ARHGEF15: variants seen among roughly 807,000 people sequenced by gnomAD.
The protein encoded by ARHGEF15 is Rho guanine nucleotide exchange factor (GEF) 15.
ARHGEF15 carries 58 observed loss-of-function variants against 79.7 expected under a neutral mutation model. The ratio of observed to expected loss-of-function variants is 0.73; its 90% CI spans 0.59 to 0.91. ARHGEF15 has a LOEUF of 0.91. Ranked by LOEUF, ARHGEF15 falls within the 40% of genes least tolerant of loss-of-function variation. ARHGEF15 has a pLI of 0.00. For synonymous variants in ARHGEF15, 442 were observed against 456.0 expected, an observed-to-expected ratio of 0.97 and a Z score of 0.39; for missense variants, 1,012 against 1,108.1, an observed-to-expected ratio of 0.91 and a Z score of 1.23.
At chr17:8,316,613 G>A (rs948396194) in intron 9 of ARHGEF15, among the ~76,000 whole-genome samples, 2 of 152,236 alleles carry the variant, frequency 1.3e-5, no homozygotes, top group Non-Finnish European at 2.9e-5. Flanking sequence ...TATTCCAACA[G>A]TTGTACTCCA....
At position 8,318,770 on chromosome 17, in the gene ARHGEF15, G is replaced by C; in HGVS notation, c.1893G>C (p.Trp631Cys). 2 of 1,613,206 alleles carry C rather than the reference G, an allele frequency of 1.2e-6. No individual in the cohort carries two copies. The change falls in exon 12 of 16, where the codon TGG (tryptophan) becomes TGC (cysteine). Residue 631 changes from tryptophan (W) to cysteine (C), a missense_variant. Physicochemically the swap from Trp to Cys is radical, Grantham distance 215. This residue lies in a region of ARHGEF15 where 818 missense variants were observed against 882.5 expected (regional missense o/e 0.93). Transcript: ENST00000361926. The surrounding 1 kb of genome is among the most constrained non-coding windows in gnomAD (Gnocchi z 5.0). ...HKVKALPLVS[W>C]SRRLEFQGEL... The stretch of plus-strand genomic sequence containing the variant: ...CGCAGGCCCTGCCCCTGGTCTCCTG[G>C]TCACGGCGCCTGGAATTCCAGGGAG...
chr17:8,313,795 C>T (rs966292549), intron 4 of ARHGEF15: 34 of 395,368 alleles, frequency 8.6e-5, no homozygotes, highest in South Asian at 1.0e-4. Flanking sequence ...TCTGGGAGGC[C>T]GCGGCAGAAG....
intron 15 of ARHGEF15, 22 bp from the exon 16 acceptor site, chr17:8,320,820 G>C: frequency 6.2e-7 from 1 of 1,610,876 alleles, no homozygotes; most frequent in Non-Finnish European, 8.5e-7. Context: ...CCTCATTGGA[G>C]CCTCTGTCTC....
At position 8,319,512 on chromosome 17, in the gene ARHGEF15, A is replaced by G. The variant is rs747949368; in HGVS notation, c.2283A>G (p.Glu761=). The change falls in exon 15 of 16, where the codon GAA becomes GAG. Residue 761 remains glutamate, a synonymous_variant. Coordinates refer to ENST00000361926, the MANE Select transcript of ARHGEF15 (RefSeq NM_173728.4). ...ACCCCCAACCAGACTGTTCCCAGGA[A>G]CTGTGTTCAGAGTCGTCTGCACCTG... ...TIYEDCDCSQ[E]LCSESSAPAK... The G allele has an allele frequency of 3.4e-5, 55 of 1,606,122 alleles. No homozygotes were observed. Among genetic ancestry groups the G allele is most frequent in the Non-Finnish European group, 4.3e-5 (51 of 1,176,944 alleles).
chr17:8,313,352 T>G lies in ARHGEF15; in HGVS notation c.934+98T>G. The G allele has an allele frequency of 2.7e-6, 4 of 1,505,394 alleles. No homozygotes were observed. The Middle Eastern group carries it at 7.4e-4, about 277-fold the overall frequency. The allele number at this position is 1,505,394 out of a possible 1,614,324, so 93.3% of individuals were successfully genotyped here. A position where few individuals can be genotyped will look rare whatever the true frequency, so the allele number is the denominator to read the frequency against. On this transcript the variant is annotated intron_variant, in intron 3 of 15. Transcript: ENST00000361926. ...GCAAACTACAATCCCCAACAGGCAC[T>G]GGGCTCTTTGCTTCCCCACCAGCTG... is the stretch of plus-strand genomic sequence containing the variant.
In ARHGEF15 at chr17:8,315,945, G is replaced by A; in HGVS notation, c.1574+38G>A. 6.2e-7 allele frequency: 1 copy of A among 1,603,368 alleles called. No individual in the cohort carries two copies. Among genetic ancestry groups the A allele is most frequent in the Non-Finnish European group, 8.5e-7 (1 of 1,179,078 alleles). ...GGGGTGGGGAGGAAGCTGGGGAGAG[G>A]GATGGGACCGAGGCCACAGCAGGTT... On this transcript the variant is annotated intron_variant, in intron 8 of 15. Transcript: ENST00000361926. This position sits in a 1 kb window ranked among gnomAD's most constrained non-coding sequence, Gnocchi z 4.3.
Position 8,321,071 on chromosome 17 carries a change from G to C in ARHGEF15, c.*78G>C. ...AGAGAACAAAGCCCATTCATCCATT[G>C]GATTCACTGTCAGTGGAGATACTAC... On this transcript the variant is annotated 3_prime_UTR_variant, in exon 16 of 16. Coordinates refer to ENST00000361926, the MANE Select transcript of ARHGEF15 (RefSeq NM_173728.4). 1 of 1,573,674 alleles carries C rather than the reference G, an allele frequency of 6.4e-7. No homozygotes were observed. The highest frequency in any genetic ancestry group is 2.3e-5 in the East Asian group (1 of 44,418).
At position 8,315,519 on chromosome 17, in the gene ARHGEF15, C is replaced by T. The variant is rs757084863; in HGVS notation, c.1366C>T (p.Arg456Cys). ...SQALRDTLTP[R>C]DHHTLFSNVQ... ...GGCACTCCGGGACACGCTCACCCCC[C>T]GTGATCACCACACACTCTTCTCCAA... is the stretch of plus-strand genomic sequence containing the variant. The change falls in exon 7 of 16, where the codon CGT becomes TGT. Residue 456 changes from arginine to cysteine, a missense_variant. Around this residue, in one of 3 missense-constraint regions of ARHGEF15, gnomAD observed 818 missense variants for 882.5 expected, o/e 0.93. Transcript: ENST00000361926. The surrounding 1 kb of genome is among the most constrained non-coding windows in gnomAD (Gnocchi z 4.3). The T allele has an allele frequency of 6.8e-6, 11 of 1,612,276 alleles. No homozygotes were observed. Among genetic ancestry groups the T allele is most frequent in the Admixed American group, 3.3e-5 (2 of 60,012 alleles).
chr17:8,315,984 C>T lies in ARHGEF15; in HGVS notation c.1575-35C>T. Reference sequence around the variant, plus strand: ...CCACAGCAGGTTGGGGCACCAGGGCCTCCAGGCAGCCGCTAGCCATGCCTG... The same window carrying T: ...CCACAGCAGGTTGGGGCACCAGGGCTTCCAGGCAGCCGCTAGCCATGCCTG... On this transcript the variant is annotated intron_variant, in intron 8 of 15. Transcript: ENST00000361926. This position sits in a 1 kb window ranked among gnomAD's most constrained non-coding sequence, Gnocchi z 4.3. 6.3e-7 allele frequency: 1 copy of T among 1,598,616 alleles called. No individual in the cohort carries two copies. The highest frequency in any genetic ancestry group is 1.1e-5 in the South Asian group (1 of 90,852).
In ARHGEF15 at chr17:8,315,128, G is replaced by A. The variant is rs1295295020; in HGVS notation, c.1111G>A (p.Asp371Asn). ...AGAGGAGCTGTGGGGGGTGGGTGAG[G>A]ATGGGAGTCCTTCTCCAGCAAATGC... ...LSEELWGVGE[D>N]GSPSPANAGD... The change falls in exon 6 of 16, where the codon GAT becomes AAT. Residue 371 changes from aspartate (D) to asparagine (N), a missense_variant. Transcript: ENST00000361926. This position sits in a 1 kb window ranked among gnomAD's most constrained non-coding sequence, Gnocchi z 4.3. 6.2e-7 allele frequency: 1 copy of A among 1,614,054 alleles called. No individual in the cohort carries two copies. The highest frequency in any genetic ancestry group is 8.5e-7 in the Non-Finnish European group (1 of 1,179,998).
At position 8,314,926 on chromosome 17, in the gene ARHGEF15, T is replaced by G; in HGVS notation, c.1010T>G (p.Val337Gly). Residue 337 changes from valine (V) to glycine (G), a missense_variant, in exon 5 of 16, where the codon GTG becomes GGG. Coordinates refer to ENST00000361926, the MANE Select transcript of ARHGEF15 (RefSeq NM_173728.4). ...CACAGGGAAGAGGAGGGGCTAGAGG[T>G]GCTGAAGGAGCAGAATTGGGAGCTG... is the stretch of plus-strand genomic sequence containing the variant. ...VEGREEEGLE[V>G]LKEQNWELPL... The G allele has an allele frequency of 6.2e-7, 1 of 1,613,680 alleles. No homozygotes were observed.
At chr17:8,311,357 C>T (rs1597459706) in intron 1 of ARHGEF15, among the ~76,000 whole-genome samples, 1 of 152,092 alleles carries the variant, frequency 6.6e-6, no homozygotes, top group East Asian at 1.9e-4. Context: ...TGACCAGACC[C>T]TAGGGCAGGC....
chr17:8,318,588 G>A lies in ARHGEF15; in HGVS notation c.1798G>A (p.Ala600Thr), dbSNP rs777489210. The A allele has an allele frequency of 4.3e-6, 7 of 1,613,814 alleles. No individual in the cohort carries two copies. The highest frequency in any genetic ancestry group is 3.3e-5 in the Admixed American group (2 of 60,006). ...AVSKIIERCS[A>T]EVGRMKQTEE... The stretch of plus-strand genomic sequence containing the variant: ...TACCTAGATCATCGAGCGTTGCAGC[G>A]CTGAGGTGGGGCGCATGAAGCAGAC... Residue 600 changes from alanine to threonine, a missense_variant, in exon 11 of 16, where the codon GCT (alanine) becomes ACT (threonine). Ala to Thr is a moderately conservative substitution (Grantham distance 58). Coordinates refer to ENST00000361926, the MANE Select transcript of ARHGEF15 (RefSeq NM_173728.4). This position sits in a 1 kb window ranked among gnomAD's most constrained non-coding sequence, Gnocchi z 5.0.
intron 15 of ARHGEF15, among the ~76,000 whole-genome samples, chr17:8,320,380 C>A (rs1426518901): frequency 6.6e-6 from 1 of 151,956 alleles, no homozygotes; most frequent in Non-Finnish European, 1.5e-5. Context: ...GAGAAGGCAA[C>A]ATGAAGCTTG....
chr17:8,312,630 C>A lies in ARHGEF15; in HGVS notation c.591C>A (p.Asn197Lys), dbSNP rs367942685. The A allele has an allele frequency of 6.2e-7, 1 of 1,613,250 alleles. No homozygotes were observed. Among genetic ancestry groups the A allele is most frequent in the Admixed American group, 1.7e-5 (1 of 60,014 alleles). ...TCACCGGGAGTGGGTCCCAGGAGAA[C>A]GGTGCTCCAGGTGAGTGTGGCGGGT... ...APLTGSGSQE[N>K]GAPDAGLACP... is the part of the protein sequence containing the mutation. The change falls in exon 2 of 16, where the codon AAC becomes AAA. Residue 197 changes from asparagine (N) to lysine (K), a missense_variant. By Grantham distance (94) the Asn-to-Lys change is moderately conservative (BLOSUM62 0). Coordinates refer to ENST00000361926, the MANE Select transcript of ARHGEF15 (RefSeq NM_173728.4).
In ARHGEF15 at chr17:8,316,158, C is replaced by T; in HGVS notation, c.1704+10C>T. 1.2e-6 allele frequency: 2 copies of T among 1,600,030 alleles called. No homozygotes were observed. Among genetic ancestry groups the T allele is most frequent in the Non-Finnish European group, 1.7e-6 (2 of 1,178,568 alleles). On this transcript the variant is annotated intron_variant, in intron 9 of 15. Transcript: ENST00000361926. Reference sequence around the variant, plus strand: ...GCGCATGCTGCTGCAGGTACCTGTCCCAGCTGCGGCCGTTTCTGCCCCACC... The same window carrying T: ...GCGCATGCTGCTGCAGGTACCTGTCTCAGCTGCGGCCGTTTCTGCCCCACC...
intron 15 of ARHGEF15, among the ~76,000 whole-genome samples, chr17:8,320,080 G>A (rs1290315785): frequency 6.6e-6 from 1 of 151,894 alleles, no homozygotes; most frequent in African/African-American, 2.4e-5. Context: ...GCGCCTGGCC[G>A]TGTTTCATTT....
In ARHGEF15 at chr17:8,319,383, A is replaced by G. The variant is rs777499580; in HGVS notation, c.2258A>G (p.Tyr753Cys). Residue 753 changes from tyrosine to cysteine, a missense_variant, in exon 14 of 16, where the codon TAT (tyrosine) becomes TGT (cysteine). Physicochemically the swap from Tyr to Cys is radical, Grantham distance 194. Around this residue, in one of 3 missense-constraint regions of ARHGEF15, gnomAD observed 132 missense variants for 124.2 expected, o/e 1.06. Coordinates refer to ENST00000361926, the MANE Select transcript of ARHGEF15 (RefSeq NM_173728.4). ...CTTCCCTGCTCCCCAGACACCATCT[A>G]TGAGGACTGTGGTGAGTATCCCCCT... ...GPLPCSPDTI[Y>C]EDCDCSQELC... The G allele has an allele frequency of 5.0e-6, 8 of 1,613,860 alleles. No individual in the cohort carries two copies. The South Asian group carries it at 8.8e-5, about 18-fold the overall frequency.
intron 1 of ARHGEF15, among the ~76,000 whole-genome samples, chr17:8,311,731 C>G (rs935265259): frequency 6.6e-6 from 1 of 151,776 alleles, no homozygotes; most frequent in African/African-American, 2.4e-5. Flanking sequence ...ACCCACCCGG[C>G]AAGCACAGAA....
Sources: gnomAD v4.1 joint callset for allele counts (sites outside exome capture counted in the v4.1 genomes callset) on GRCh38, gnomAD v4.1.1 for gene constraint, gnomAD v4.1.1 regional missense constraint, Gnocchi (gnomAD v3.1) non-coding constraint, MANE v1.5 for transcripts, NCBI Gene and HGNC (gene_info 2026-07-23, HGNC 2026-07-21) for gene names.